The following PCDHA4 variants were observed in gnomAD, a reference collection of about 807,000 sequenced individuals.
PCDHA4 encodes the protein protocadherin alpha-4.
Under a neutral mutation model 61.4 loss-of-function variants are expected in PCDHA4, and 49 were observed. The ratio of observed to expected loss-of-function variants is 0.80; its 90% CI spans 0.63 to 1.01. The LOEUF (loss-of-function observed/expected upper bound fraction) is 1.01, where lower values mean the gene tolerates loss of function less well. PCDHA4 is among the 50% of genes least tolerant of loss of function. The pLI is 0.00. For missense variants in PCDHA4, 1,254 were observed against 1,235.8 expected (o/e 1.01, Z -0.22); for synonymous variants, 590 against 550.3 (o/e 1.07, Z -1.01).
chr5:140,877,652 C>G (rs1456022709), intron 1 of PCDHA4: 1 of 1,613,520 alleles, frequency 6.2e-7, no homozygotes, highest in Non-Finnish European at 8.5e-7. Context: ...TCAGCGCCGC[C>G]CACCGTGAGC....
At chr5:140,898,507 C>T (rs538521734) in intron 1 of PCDHA4, among the ~76,000 whole-genome samples, 23 of 152,140 alleles carry the variant, frequency 1.5e-4, no homozygotes, top group African/African-American at 5.1e-4. Context: ...TGTAGATATG[C>T]GGCGTTATTT....
intron 1 of PCDHA4, chr5:140,883,657 C>A (rs782568456): frequency 1.2e-6 from 2 of 1,613,470 alleles, no homozygotes; most frequent in East Asian, 4.5e-5. Context: ...ACACGGTGTT[C>A]GTGAAGGAAA....
chr5:140,922,412 G>A lies in PCDHA4; in HGVS notation c.2386-56537G>A, dbSNP rs80310986. Among the ~76,000 whole-genome samples the A allele has an allele frequency of 7.3e-3, 1,117 of 152,260 alleles. 9 individuals carry two copies. Among genetic ancestry groups the A allele is most frequent in the Non-Finnish European group, 0.011 (755 of 68,032 alleles). ...CCTTGTTTTGGATTAAAAAGATCTA[G>A]GTACAGAGGCTGAGGGCAGAACTCT... is the stretch of plus-strand genomic sequence containing the variant. On this transcript the variant is annotated intron_variant, in intron 1 of 3. Coordinates refer to ENST00000530339, the MANE Select transcript of PCDHA4 (RefSeq NM_018907.4).
intron 1 of PCDHA4, chr5:140,870,360 C>T (rs1562642999): frequency 6.2e-7 from 1 of 1,614,166 alleles, no homozygotes; most frequent in Non-Finnish European, 8.5e-7. Context: ...ACGTGTGGGC[C>T]TATGAACTGG....
chr5:140,816,150 C>T (rs2126669751), intron 1 of PCDHA4: 12 of 152,162 alleles, frequency 7.9e-5, no homozygotes, highest in African/African-American at 2.9e-4. Flanking sequence ...GAGCAGCCTG[C>T]TCGAGGATGT....
chr5:140,852,319 C>T (rs2150515438), intron 1 of PCDHA4: 6 of 325,372 alleles, frequency 1.8e-5, no homozygotes, highest in Non-Finnish European at 2.8e-5. Context: ...TTTCTGCCAC[C>T]CAGGCTGGAG....
At chr5:140,849,566 T>C in intron 1 of PCDHA4, 2 of 1,598,556 alleles carry the variant, frequency 1.3e-6, no homozygotes, top group Non-Finnish European at 1.7e-6. Flanking sequence ...CGCTCTCGGT[T>C]CCTGTAAAAG....
At chr5:140,869,788 T>C (rs782425741) in intron 1 of PCDHA4, 4 of 1,612,892 alleles carry the variant, frequency 2.5e-6, no homozygotes, top group African/African-American at 1.3e-5. Context: ...CGTTCGGCTG[T>C]TAGTCCAAGT....
At chr5:140,883,719 C>T in intron 1 of PCDHA4, 1 of 1,613,598 alleles carries the variant, frequency 6.2e-7, no homozygotes, top group Non-Finnish European at 8.5e-7. Context: ...GACGCGGACG[C>T]ACAGGAGAAC....
At chr5:140,835,959 G>T (rs1162944895) in intron 1 of PCDHA4, 12 of 1,612,958 alleles carry the variant, frequency 7.4e-6, no homozygotes, top group Non-Finnish European at 9.3e-6. Context: ...GTTGGACCAC[G>T]AGGAGCTGGA....
At chr5:140,968,017 C>T (rs782195997) in intron 1 of PCDHA4, 2 of 1,614,216 alleles carry the variant, frequency 1.2e-6, no homozygotes, top group East Asian at 2.2e-5. Context: ...GCTTTGGAAA[C>T]TCCTATACAC....
At chr5:140,846,097 A>T (rs1554141144) in intron 1 of PCDHA4, among the ~76,000 whole-genome samples, 4 of 149,760 alleles carry the variant, frequency 2.7e-5, no homozygotes, top group Non-Finnish European at 1.5e-5. Flanking sequence ...CCTTCCAAGG[A>T]ATGTGTAGAC....
chr5:140,843,633 C>T (rs1554140304), intron 1 of PCDHA4: 1 of 1,595,708 alleles, frequency 6.3e-7, no homozygotes, highest in Admixed American at 1.7e-5. Context: ...GACCTCATGG[C>T]CTTCAGCCCC....
At chr5:140,836,252 C>T (rs2150256494) in intron 1 of PCDHA4, 2 of 1,613,762 alleles carry the variant, frequency 1.2e-6, no homozygotes, top group Admixed American at 1.7e-5. Context: ...TCCCGTTCCG[C>T]GTGGGGCTGT....
At chr5:140,840,282 G>A (rs1294599981) in intron 1 of PCDHA4, among the ~76,000 whole-genome samples, 2 of 151,906 alleles carry the variant, frequency 1.3e-5, no homozygotes, top group Non-Finnish European at 2.9e-5. Flanking sequence ...TGGGTTTTGG[G>A]TGATTATTGA....
intron 1 of PCDHA4, chr5:140,835,770 T>G: frequency 6.2e-7 from 1 of 1,613,258 alleles, no homozygotes; most frequent in Non-Finnish European, 8.5e-7. Flanking sequence ...GTATACGGTG[T>G]TCGTGAAGGA....
chr5:140,823,220 A>T, intron 1 of PCDHA4: 1 of 1,613,736 alleles, frequency 6.2e-7, no homozygotes. Context: ...CGGGACGCGG[A>T]CGCGCAGGAG....
intron 1 of PCDHA4, chr5:140,817,470 C>T (rs2150098250): frequency 6.6e-6 from 1 of 152,180 alleles, no homozygotes; most frequent in South Asian, 2.1e-4. Context: ...GATGTCACTA[C>T]CTCTGTTATC....
chr5:140,904,156 G>C (rs1554191312), intron 1 of PCDHA4, among the ~76,000 whole-genome samples: 1 of 152,028 alleles, frequency 6.6e-6, no homozygotes, highest in Non-Finnish European at 1.5e-5. Flanking sequence ...ATTGCACCCA[G>C]TTTGTAGTCT....
Sources: gnomAD v4.1 joint callset for allele counts (sites outside exome capture counted in the v4.1 genomes callset) on GRCh38, gnomAD v4.1.1 for gene constraint, MANE v1.5 for transcripts, NCBI Gene and HGNC (gene_info 2026-07-23, HGNC 2026-07-21) for gene names.